Variants in TMEM87A observed in about 807,000 individuals in gnomAD.
TMEM87A encodes the protein Golgi-pH regulating cation channel.
In TMEM87A, 50 loss-of-function variants were observed where a neutral mutation model predicts 90.0. The ratio of observed to expected loss-of-function variants is 0.56; its 90% CI spans 0.44 to 0.70. TMEM87A has a LOEUF of 0.70. Ranked by LOEUF, TMEM87A falls within the 30% of genes least tolerant of loss-of-function variation. The pLI is 0.00. For missense variants in TMEM87A, 577 were observed against 660.5 expected (o/e 0.87, Z 1.39); for synonymous variants, 226 against 226.7 (o/e 1.00, Z 0.03).
intron 6 of TMEM87A, among the ~76,000 whole-genome samples, chr15:42,250,137 C>T (rs572854268): frequency 6.6e-6 from 1 of 152,262 alleles, no homozygotes; most frequent in East Asian, 1.9e-4. Context: ...TCCTCCATCC[C>T]TTTATTTTGA....
chr15:42,242,772 A>T (rs1253761566), intron 7 of TMEM87A, among the ~76,000 whole-genome samples: 1 of 152,188 alleles, frequency 6.6e-6, no homozygotes, highest in East Asian at 1.9e-4. Flanking sequence ...TTCATTCTTA[A>T]CATTTTTTTT....
intron 6 of TMEM87A, among the ~76,000 whole-genome samples, chr15:42,259,490 C>G (rs2051248946): frequency 6.6e-6 from 1 of 152,194 alleles, no homozygotes; most frequent in Non-Finnish European, 1.5e-5. Context: ...TGACCTGACT[C>G]AGAGATCACC....
intron 9 of TMEM87A, among the ~76,000 whole-genome samples, chr15:42,236,714 C>T (rs1487937731): frequency 6.6e-6 from 1 of 152,108 alleles, no homozygotes. Context: ...TTTGTAGCAT[C>T]GAGACAATTT....
At position 42,272,060 on chromosome 15, in the gene TMEM87A, C is replaced by T. The variant is rs2051541772; in HGVS notation, c.205+3G>A. 1 of 1,589,486 alleles carries T rather than the reference C, an allele frequency of 6.3e-7. No individual in the cohort carries two copies. The highest frequency in any genetic ancestry group is 8.5e-7 in the Non-Finnish European group (1 of 1,172,416). On this transcript the variant is annotated splice_donor_region_variant and intron_variant, in intron 2 of 19. Transcript: ENST00000389834. ...TAAAACTTCATGAAATTCAAAAACT[C>T]ACACTTCAGGAAGATAGTGGTATTT...
chr15:42,263,404 G>A (rs2051335356), intron 4 of TMEM87A, among the ~76,000 whole-genome samples: 1 of 152,148 alleles, frequency 6.6e-6, no homozygotes, highest in African/African-American at 2.4e-5. Flanking sequence ...GGAAGGTGGG[G>A]AATTTTTGTT....
chr15:42,261,514 G>A (rs1368088203), intron 4 of TMEM87A, among the ~76,000 whole-genome samples: 2 of 152,144 alleles, frequency 1.3e-5, no homozygotes, highest in East Asian at 1.9e-4. Flanking sequence ...CAAAGCTTTA[G>A]ATATAGGATG....
chr15:42,233,896 A>G (rs2050729182), intron 10 of TMEM87A, among the ~76,000 whole-genome samples: 2 of 150,848 alleles, frequency 1.3e-5, no homozygotes, highest in South Asian at 4.2e-4. Flanking sequence ...CAGCCTCCCG[A>G]GTAGCTGAGG....
intron 11 of TMEM87A, chr15:42,231,983 A>C: frequency 1.1e-6 from 1 of 875,668 alleles, no homozygotes; most frequent in Non-Finnish European, 1.6e-6. Flanking sequence ...GTCTAAGAGA[A>C]TTACATACAG....
intron 10 of TMEM87A, among the ~76,000 whole-genome samples, chr15:42,234,439 G>A (rs753392649): frequency 3.9e-5 from 6 of 152,068 alleles, no homozygotes; most frequent in Non-Finnish European, 7.4e-5. Flanking sequence ...ATATGAGCAG[G>A]GAATTTTCTC....
rs1327528460 is a variant in TMEM87A at position 42,218,357 on chromosome 15, C to T, written c.1561G>A (p.Val521Ile). The part of the protein sequence containing the change: ...NKAQEDDLKW[V>I]EENVPSSVTD... ...ACAGAAGAAGGAACATTCTCTTCTA[C>T]CCACTTCAAATCATCTTCCTGCTGG... The change falls in exon 18 of 20, where the codon GTA (valine) becomes ATA (isoleucine). Residue 521 changes from valine to isoleucine, a missense_variant. Transcript: ENST00000389834. The T allele has an allele frequency of 6.2e-7, 1 of 1,613,582 alleles. No homozygotes were observed. Among genetic ancestry groups the T allele is most frequent in the Non-Finnish European group, 8.5e-7 (1 of 1,179,790 alleles).
At chr15:42,268,075 A>G (rs771533927) in intron 2 of TMEM87A, 43 bp from the exon 3 acceptor site, 2 of 1,554,734 alleles carry the variant, frequency 1.3e-6, no homozygotes, top group Non-Finnish European at 1.8e-6. Flanking sequence ...TAATTCCCCA[A>G]CAAAGCATTT....
chr15:42,222,852 G>A (rs1219287577), intron 15 of TMEM87A, among the ~76,000 whole-genome samples: 3 of 152,108 alleles, frequency 2.0e-5, no homozygotes, highest in Admixed American at 6.5e-5. Flanking sequence ...GAGCCATAGC[G>A]CCCGGCCTGA....
intron 2 of TMEM87A, among the ~76,000 whole-genome samples, chr15:42,271,758 T>C (rs569205462): frequency 8.4e-4 from 127 of 151,830 alleles, no homozygotes; most frequent in African/African-American, 3.0e-3. Context: ...TCGACTGAGA[T>C]GTGACTGAAT....
intron 14 of TMEM87A, chr15:42,227,122 G>A: frequency 1.9e-6 from 1 of 534,062 alleles, no homozygotes; most frequent in Non-Finnish European, 3.3e-6. Context: ...TAAAGAAAAT[G>A]CATCAACGGA....
rs1456100271 is a variant in TMEM87A, at chr15:42,221,114, A to C, written c.1404-979T>G. On this transcript the variant is annotated intron_variant, in intron 15 of 19. Coordinates refer to ENST00000389834, the MANE Select transcript of TMEM87A (RefSeq NM_015497.5). ...CCAAAGTGCTGGGATTAAAGGTGTG[A>C]GCCACCGCGCCTGGCCGAAAACAAC... is the stretch of plus-strand genomic sequence containing the variant. 4.6e-5 allele frequency among the ~76,000 whole-genome samples: 7 copies of C among 152,140 alleles called. No homozygotes were observed. The East Asian group carries it at 1.2e-3, about 25-fold the overall frequency.
chr15:42,229,939 C>T (rs1566926812), intron 12 of TMEM87A, among the ~76,000 whole-genome samples: 1 of 152,200 alleles, frequency 6.6e-6, no homozygotes, highest in Non-Finnish European at 1.5e-5. Context: ...AATTCTCCTG[C>T]CTCAGGCTCC....
chr15:42,242,574 G>A (rs1399453295), intron 7 of TMEM87A, among the ~76,000 whole-genome samples: 1 of 151,986 alleles, frequency 6.6e-6, no homozygotes, highest in East Asian at 1.9e-4. Flanking sequence ...GAGAAAGAGA[G>A]AGAGAGACAG....
At chr15:42,233,490 A>G (rs956407408) in intron 10 of TMEM87A, among the ~76,000 whole-genome samples, 184 bp from the exon 11 acceptor site, 2 of 152,222 alleles carry the variant, frequency 1.3e-5, no homozygotes, top group African/African-American at 4.8e-5. Context: ...GGAACACTAC[A>G]ACTTGAGATC....
chr15:42,252,783 T>C (rs746249556), intron 6 of TMEM87A, among the ~76,000 whole-genome samples: 1 of 151,720 alleles, frequency 6.6e-6, no homozygotes, highest in Non-Finnish European at 1.5e-5. Context: ...GTAAGTCTAA[T>C]GCTGAGGCTT....
Sources: allele counts gnomAD v4.1 joint callset (sites outside exome capture counted in the v4.1 genomes callset), GRCh38; gene constraint gnomAD v4.1.1; transcripts MANE v1.5; gene names NCBI Gene and HGNC (gene_info 2026-07-23, HGNC 2026-07-21).